ATP8A2: variants seen among roughly 807,000 people sequenced by gnomAD.
The protein encoded by ATP8A2 is ATPase phospholipid transporting 8A2.
A neutral mutation model predicts 165.6 loss-of-function variants in ATP8A2; 100 were observed. The ratio of observed to expected loss-of-function variants is 0.60; its 90% CI spans 0.51 to 0.71. The LOEUF is 0.71. Among genes scored for constraint, ATP8A2 ranks in the 30% least tolerant of loss-of-function variants. The probability of loss-of-function intolerance (pLI) is 0.00; values close to 1 mark genes in which losing one functional copy is unlikely to be tolerated. For missense variants in ATP8A2, 1,227 were observed against 1,479.5 expected (o/e 0.83, Z 2.80); for synonymous variants, 543 against 548.8 (o/e 0.99, Z 0.15).
chr13:25,933,839 C>T (rs1487450817), intron 33 of ATP8A2, among the ~76,000 whole-genome samples: 2 of 152,228 alleles, frequency 1.3e-5, no homozygotes, highest in Non-Finnish European at 2.9e-5. Flanking sequence ...TTTGTCATTA[C>T]ATCATGAAAC....
At chr13:25,577,668 A>G (rs2039656886) in intron 20 of ATP8A2, among the ~76,000 whole-genome samples, 1 of 152,182 alleles carries the variant, frequency 6.6e-6, no homozygotes, top group African/African-American at 2.4e-5. Context: ...TATACCTTCT[A>G]GTAACCAAAT....
intron 33 of ATP8A2, among the ~76,000 whole-genome samples, chr13:25,959,870 G>A (rs1278304422): frequency 1.3e-5 from 2 of 152,126 alleles, no homozygotes; most frequent in Admixed American, 6.5e-5. Flanking sequence ...CCTTCCTTAG[G>A]ATGAATTCTG....
chr13:25,757,906 C>T (rs2044297906), intron 25 of ATP8A2, among the ~76,000 whole-genome samples: 1 of 152,130 alleles, frequency 6.6e-6, no homozygotes, highest in Non-Finnish European at 1.5e-5. Flanking sequence ...ATTCTGAAGG[C>T]ACAGGGTCCT....
At chr13:25,951,602 G>A (rs1008706715) in intron 33 of ATP8A2, among the ~76,000 whole-genome samples, 3 of 152,152 alleles carry the variant, frequency 2.0e-5, no homozygotes, top group Non-Finnish European at 4.4e-5. Context: ...CTGAAGATCT[G>A]TGCATTTTAG....
Position 25,907,363 on chromosome 13 carries a change from AAAAATAAAAT to A in ATP8A2, c.3183+44975_3183+44984del, listed in dbSNP as rs145490905. On this transcript the variant is annotated intron_variant, in intron 33 of 36. Coordinates refer to ENST00000381655, the MANE Select transcript of ATP8A2 (RefSeq NM_016529.6). ...GAGACTCCATCTCAAAAATAAATAA[AAAAATAAAAT>A]AAAATAAAATAAAATAAAAGGAGCT... 9.2e-5 allele frequency among the ~76,000 whole-genome samples: 14 copies of A among 151,892 alleles called. No individual in the cohort carries two copies. In the South Asian group the frequency reaches 1.2e-3, roughly 14 times the overall value.
intron 25 of ATP8A2, among the ~76,000 whole-genome samples, chr13:25,760,174 T>C (rs1229665356): frequency 6.6e-6 from 1 of 152,174 alleles, no homozygotes; most frequent in Non-Finnish European, 1.5e-5. Context: ...GTTCAGTTAA[T>C]AAAGAATATC....
chr13:25,552,184 A>C (rs2038845779), intron 11 of ATP8A2, among the ~76,000 whole-genome samples: 1 of 152,010 alleles, frequency 6.6e-6, no homozygotes, highest in Non-Finnish European at 1.5e-5. Flanking sequence ...ACGGGATTTC[A>C]CCATGTTGGA....
intron 33 of ATP8A2, chr13:25,881,044 G>T (rs1457572121): frequency 2.7e-6 from 1 of 374,832 alleles, no homozygotes; most frequent in Non-Finnish European, 5.4e-6. Flanking sequence ...ATTGCTGGAG[G>T]TATTACATGT....
At chr13:25,810,002 C>A (rs1468259077) in intron 27 of ATP8A2, among the ~76,000 whole-genome samples, 1 of 152,178 alleles carries the variant, frequency 6.6e-6, no homozygotes, top group East Asian at 1.9e-4. Flanking sequence ...TGGCTTCTGG[C>A]AGCTTCAACC....
At chr13:25,787,684 G>A (rs532964476) in intron 27 of ATP8A2, among the ~76,000 whole-genome samples, 1 of 152,232 alleles carries the variant, frequency 6.6e-6, no homozygotes, top group Admixed American at 6.5e-5. Context: ...CTTGGCCCAG[G>A]GGCCTCTGGT....
chr13:25,755,327 A>G (rs1464393481), intron 25 of ATP8A2, among the ~76,000 whole-genome samples: 3 of 152,154 alleles, frequency 2.0e-5, no homozygotes, highest in African/African-American at 7.2e-5. Context: ...GACCCTGCCA[A>G]AGTTCCTTCT....
intron 2 of ATP8A2, among the ~76,000 whole-genome samples, chr13:25,522,813 G>T (rs1361642069): frequency 6.6e-6 from 1 of 152,158 alleles, no homozygotes; most frequent in Non-Finnish European, 1.5e-5. Flanking sequence ...CATTTTGCTA[G>T]TATTTGGTTA....
At chr13:25,441,719 T>C (rs2034936381) in intron 1 of ATP8A2, among the ~76,000 whole-genome samples, 1 of 147,710 alleles carries the variant, frequency 6.8e-6, no homozygotes, top group African/African-American at 2.7e-5. Context: ...TTAGACTGTT[T>C]GCCTTTTCCT....
At position 25,630,835 on chromosome 13, in the gene ATP8A2, T is replaced by TGAA. The variant is rs142375816; in HGVS notation, c.2211+41136_2211+41137insGAA. On this transcript the variant is annotated intron_variant, in intron 24 of 36. Coordinates refer to ENST00000381655, the MANE Select transcript of ATP8A2 (RefSeq NM_016529.6). ...TACCAAAGGCAACTGCATCATCTAT[T>TGAA]AAAAAAAAAATCCTTAGGGTCCGCT... 4.0e-5 allele frequency among the ~76,000 whole-genome samples: 6 copies of TGAA among 150,110 alleles called. 1 individual carries two copies. The South Asian group carries it at 1.1e-3, about 26-fold the overall frequency.
intron 24 of ATP8A2, among the ~76,000 whole-genome samples, chr13:25,604,479 T>C (rs2040466846): frequency 6.6e-6 from 1 of 152,192 alleles, no homozygotes; most frequent in Non-Finnish European, 1.5e-5. Context: ...TGGTAATGGA[T>C]TTCCCTATCA....
At chr13:25,987,692 C>T (rs1323068986) in intron 35 of ATP8A2, among the ~76,000 whole-genome samples, 2 of 152,234 alleles carry the variant, frequency 1.3e-5, no homozygotes, top group Non-Finnish European at 2.9e-5. Flanking sequence ...TCTTAACCCA[C>T]AGCAACACAG....
chr13:25,377,290 T>C (rs1419913377), intron 1 of ATP8A2, among the ~76,000 whole-genome samples: 1 of 152,220 alleles, frequency 6.6e-6, no homozygotes, highest in Non-Finnish European at 1.5e-5. Context: ...CTGGGAAAAG[T>C]GCTCAGCACA....
intron 35 of ATP8A2, among the ~76,000 whole-genome samples, chr13:25,990,146 G>A (rs377760308): frequency 1.3e-5 from 2 of 151,368 alleles, no homozygotes; most frequent in East Asian, 2.0e-4. Flanking sequence ...GCGTTTATAC[G>A]TTGGCCCAGC....
intron 35 of ATP8A2, among the ~76,000 whole-genome samples, chr13:25,983,992 G>A (rs183390377): frequency 2.6e-5 from 4 of 152,150 alleles, no homozygotes; most frequent in Non-Finnish European, 4.4e-5. Flanking sequence ...AAGCACTTTG[G>A]GAGGCCGAGG....
Sources: allele counts gnomAD v4.1 joint callset (sites outside exome capture counted in the v4.1 genomes callset), GRCh38; gene constraint gnomAD v4.1.1; transcripts MANE v1.5; gene names NCBI Gene and HGNC (gene_info 2026-07-23, HGNC 2026-07-21).